LARP4B: variants seen among roughly 807,000 people sequenced by gnomAD.
LARP4B encodes the protein La ribonucleoprotein 4B.
Under a neutral mutation model 89.8 loss-of-function variants are expected in LARP4B, and 12 were observed. The observed-to-expected ratio is 0.13, with a 90% confidence interval of 0.09 to 0.22. The LOEUF (loss-of-function observed/expected upper bound fraction) is 0.22. Ranked by LOEUF, LARP4B falls within the 10% of genes least tolerant of loss-of-function variation. The pLI is 1.00. For synonymous variants in LARP4B, 367 were observed against 363.3 expected (o/e 1.01, Z -0.12); for missense variants, 757 against 947.7 (o/e 0.80, Z 2.64).
At chr10:960,399 AGGGAGGCGCTGGGTATGGT>A in the LARP4B span, among the ~76,000 whole-genome samples, 12 of 152,030 alleles carry the variant, frequency 7.9e-5, no homozygotes, top group Non-Finnish European at 1.6e-4. Context: ...TAAGAACGGG[AGGGAGGCGCTGGGTATGGT>A]GGGAGGCGCT....
chr10:940,549 A>C, the LARP4B span, among the ~76,000 whole-genome samples: 1 of 152,264 alleles, frequency 6.6e-6, no homozygotes, highest in Non-Finnish European at 1.5e-5. Flanking sequence ...GCCTGCCCAG[A>C]GGAGGCCCCA....
intron 3 of LARP4B, among the ~76,000 whole-genome samples, chr10:876,435 A>T (rs1835454990): frequency 6.6e-6 from 1 of 152,196 alleles, no homozygotes; most frequent in Non-Finnish European, 1.5e-5. Flanking sequence ...AGAAATAGGC[A>T]AGAAGAAGCA....
intron 8 of LARP4B, among the ~76,000 whole-genome samples, chr10:831,943 T>C (rs2131670001): frequency 6.6e-6 from 1 of 152,338 alleles, no homozygotes; most frequent in Non-Finnish European, 1.5e-5. Context: ...ATAGACTTAA[T>C]ACACATAACA....
At chr10:842,379 G>C (rs923002644) in intron 7 of LARP4B, among the ~76,000 whole-genome samples, 1 of 152,088 alleles carries the variant, frequency 6.6e-6, no homozygotes, top group East Asian at 1.9e-4. Context: ...TTGTATTTTA[G>C]TGGAGACAGG....
chr10:867,566 G>C (rs1283606396), intron 3 of LARP4B, among the ~76,000 whole-genome samples: 1 of 152,128 alleles, frequency 6.6e-6, no homozygotes, highest in Non-Finnish European at 1.5e-5. Flanking sequence ...TGGTTATCAA[G>C]AACTCCAGCG....
At chr10:935,071 C>A (rs1208524542), upstream of LARP4B, among the ~76,000 whole-genome samples, 1 of 152,218 alleles carries the variant, frequency 6.6e-6, no homozygotes, top group Non-Finnish European at 1.5e-5. Context: ...CAGCCCAGCC[C>A]CCTGTGTTTC....
At chr10:877,901 T>C (rs1835519447) in intron 3 of LARP4B, among the ~76,000 whole-genome samples, 1 of 152,158 alleles carries the variant, frequency 6.6e-6, no homozygotes, top group Non-Finnish European at 1.5e-5. Context: ...ATACCTAACA[T>C]TGTTAGAAGG....
chr10:897,987 CAAAAAAAAAAAAAA>C (rs58452748), intron 1 of LARP4B, among the ~76,000 whole-genome samples: 3 of 25,648 alleles, frequency 1.2e-4, no homozygotes, highest in South Asian at 1.5e-3. Context: ...GGCTCCATCT[CAAAAAAAAAAAAAA>C]AAAAAAAAAA....
intron 7 of LARP4B, among the ~76,000 whole-genome samples, chr10:840,295 C>G (rs1364632298): frequency 6.6e-6 from 1 of 152,142 alleles, no homozygotes; most frequent in African/African-American, 2.4e-5. Context: ...CATGCCTCGC[C>G]CAACTCACCT....
chr10:952,449 T>C, the LARP4B span, among the ~76,000 whole-genome samples: 1 of 115,892 alleles, frequency 8.6e-6, no homozygotes, highest in Non-Finnish European at 1.8e-5. Context: ...CCCAACTGCA[T>C]AACAGACAAC....
rs191205984 is a variant in LARP4B at position 880,610 on chromosome 10, C to T, written c.141+3837G>A. Reference sequence around the variant, plus strand: ...CTGAGGCACAAGAATAGCTTGAACCCGGGAGGCAGAGGCTGCAGTGAGCAG... The same window carrying T: ...CTGAGGCACAAGAATAGCTTGAACCTGGGAGGCAGAGGCTGCAGTGAGCAG... On this transcript the variant is annotated intron_variant, in intron 3 of 17. Transcript: ENST00000316157. 6.0e-3 allele frequency among the ~76,000 whole-genome samples: 906 copies of T among 151,870 alleles called. 9 individuals are homozygous for T. Among genetic ancestry groups the T allele is most frequent in the African/African-American group, 0.019 (800 of 41,388 alleles).
intron 1 of LARP4B, among the ~76,000 whole-genome samples, chr10:898,187 A>C (rs757058539): frequency 3.3e-5 from 5 of 152,184 alleles, no homozygotes; most frequent in Non-Finnish European, 5.9e-5. Flanking sequence ...TAAAACAAAA[A>C]TACTACTTTG....
rs1323907994 is a variant in LARP4B at position 812,557 on chromosome 10, AAGC to A, written c.*366_*368del. On this transcript the variant is annotated 3_prime_UTR_variant, in exon 18 of 18. Transcript: ENST00000316157. ...CCAGTTACTTAAAAAAAAAAAAAAA[AAGC>A]AGAGTTCCCTTAATTTAGAAAAACT... is the stretch of plus-strand genomic sequence containing the variant. 1 of 158,988 alleles carries A rather than the reference AAGC, an allele frequency of 6.3e-6. No homozygotes were observed. Among genetic ancestry groups the A allele is most frequent in the East Asian group, 1.8e-4 (1 of 5,592 alleles). 9.8% of individuals were successfully genotyped at this position (158,988 alleles called of 1,614,324 possible).
chr10:827,209 G>C (rs1406876188), intron 11 of LARP4B, among the ~76,000 whole-genome samples: 1 of 151,998 alleles, frequency 6.6e-6, no homozygotes, highest in Non-Finnish European at 1.5e-5. Context: ...CCGGGAGGCG[G>C]AGCTTGCAGT....
intron 1 of LARP4B, among the ~76,000 whole-genome samples, chr10:913,662 G>T (rs142516961): frequency 1.8e-4 from 28 of 152,326 alleles, no homozygotes; most frequent in African/African-American, 6.0e-4. Flanking sequence ...ATAAATTAGG[G>T]CCGGGTGCAG....
Position 812,958 on chromosome 10 carries a change from C to T in LARP4B, c.2185G>A (p.Glu729Lys). ...PSAMGKRLSR[E>K]QSTPPKSPQ ...GGAGACTTGGGGGGAGTGCTCTGCT[C>T]TCGGCTGAGACGCTTCCCCATGGCC... Residue 729 changes from glutamate to lysine, a missense_variant, in exon 18 of 18, where the codon GAG (glutamate) becomes AAG (lysine). Physicochemically the swap from Glu to Lys is moderately conservative, Grantham distance 56. Coordinates refer to ENST00000316157, the MANE Select transcript of LARP4B (RefSeq NM_015155.3). The T allele has an allele frequency of 6.4e-7, 1 of 1,563,672 alleles. No individual in the cohort carries two copies. The highest frequency in any genetic ancestry group is 8.6e-7 in the Non-Finnish European group (1 of 1,164,152).
the LARP4B span, among the ~76,000 whole-genome samples, chr10:979,441 G>A: frequency 6.6e-6 from 1 of 152,316 alleles, no homozygotes; most frequent in Admixed American, 6.5e-5. Flanking sequence ...AGGAGAGACT[G>A]CTCTGGTTAT....
chr10:912,904 C>G, intron 1 of LARP4B, among the ~76,000 whole-genome samples: 1 of 152,118 alleles, frequency 6.6e-6, no homozygotes, highest in Middle Eastern at 3.4e-3. Context: ...ATTTAGCTAG[C>G]TATCCTGAAC....
At chr10:898,731 T>C (rs187545510) in intron 1 of LARP4B, among the ~76,000 whole-genome samples, 33 of 152,340 alleles carry the variant, frequency 2.2e-4, no homozygotes, top group African/African-American at 7.7e-4. Context: ...TTGGTAAGGA[T>C]TATTCTAAGT....
Sources: allele counts gnomAD v4.1 joint callset (sites outside exome capture counted in the v4.1 genomes callset), GRCh38; gene constraint gnomAD v4.1.1; transcripts MANE v1.5; gene names NCBI Gene and HGNC (gene_info 2026-07-23, HGNC 2026-07-21).